The following PCDHA12 variants were observed in gnomAD, a reference collection of about 807,000 sequenced individuals.
PCDHA12 encodes the protein protocadherin alpha-12.
Under a neutral mutation model 60.0 loss-of-function variants are expected in PCDHA12, and 44 were observed. The ratio of observed to expected loss-of-function variants is 0.73; its 90% CI spans 0.58 to 0.94. PCDHA12 has a LOEUF of 0.94. Ranked by LOEUF, PCDHA12 falls within the 40% of genes least tolerant of loss-of-function variation. The pLI, the probability that PCDHA12 is intolerant of heterozygous loss-of-function variation, is 0.00. For synonymous variants in PCDHA12, 569 were observed against 553.0 expected (o/e 1.03, Z -0.40); for missense variants, 1,276 against 1,239.7 (o/e 1.03, Z -0.44).
At chr5:140,958,218 A>C (rs1240262632) in intron 1 of PCDHA12, among the ~76,000 whole-genome samples, 2 of 152,120 alleles carry the variant, frequency 1.3e-5, no homozygotes, top group Admixed American at 1.3e-4. Flanking sequence ...TTAGATTTTA[A>C]AGGACTTTCA....
intron 1 of PCDHA12, chr5:140,883,468 C>A: frequency 6.2e-7 from 1 of 1,614,164 alleles, no homozygotes; most frequent in South Asian, 1.1e-5. Context: ...TGGTGTCCAC[C>A]TACAAGAACT....
intron 1 of PCDHA12, among the ~76,000 whole-genome samples, chr5:140,906,435 C>T (rs2072652869): frequency 6.6e-6 from 1 of 152,120 alleles, no homozygotes; most frequent in Non-Finnish European, 1.5e-5. Flanking sequence ...ACATGATAAA[C>T]AAGAAAGGAA....
chr5:141,010,938 A>G lies in PCDHA12; in HGVS notation c.*1001A>G, dbSNP rs1210392691. ...TCAAAAGAGAATTCAGTCTACAGCC[A>G]TTTAAATGATCATTGCTGCTACAGA... On this transcript the variant is annotated 3_prime_UTR_variant, in exon 4 of 4. Coordinates refer to ENST00000398631, the MANE Select transcript of PCDHA12 (RefSeq NM_018903.4). 6 of 153,824 alleles carry G rather than the reference A, an allele frequency of 3.9e-5. No homozygotes were observed. Among genetic ancestry groups the G allele is most frequent in the African/African-American group, 1.4e-4 (6 of 41,470 alleles). The allele number at this position is 153,824 out of a possible 1,614,324, so 9.5% of individuals were successfully genotyped here. A position where few individuals can be genotyped will look rare whatever the true frequency, so the allele number is the denominator to read the frequency against.
rs1446596900 is a variant in PCDHA12 at position 140,900,305 on chromosome 5, C to T, written c.2367+22466C>T. On this transcript the variant is annotated intron_variant, in intron 1 of 3. Transcript: ENST00000398631. ...TTTCTTTTCTGTTTTTTTAGACAGTCTCACTTTTGTCGCCCAGGCTGGAGT... is the reference window on the plus strand; with the variant it reads ...TTTCTTTTCTGTTTTTTTAGACAGTTTCACTTTTGTCGCCCAGGCTGGAGT... Among the ~76,000 whole-genome samples the T allele has an allele frequency of 1.3e-4, 20 of 151,754 alleles. No homozygotes were observed. In the East Asian group the frequency reaches 3.9e-3, roughly 30 times the overall value.
Position 141,009,873 on chromosome 5 carries a change from A to C in PCDHA12, c.2762A>C (p.Lys921Thr), listed in dbSNP as rs782413551. The C allele has an allele frequency of 1.2e-6, 2 of 1,613,916 alleles. No homozygotes were observed. The highest frequency in any genetic ancestry group is 2.7e-5 in the African/African-American group (2 of 74,862). The change falls in exon 4 of 4, where the codon AAG (lysine) becomes ACG (threonine). Residue 921 changes from lysine to threonine, a missense_variant. Lys to Thr is a moderately conservative substitution (Grantham distance 78). Transcript: ENST00000398631. ...ACCAAGAAAAAGAAGAAAAAGAAGA[A>C]GGGTAACAAGACCCAGGAGAAAAAA... ...EETKKKKKKK[K>T]GNKTQEKKEK...
intron 1 of PCDHA12, among the ~76,000 whole-genome samples, chr5:140,921,352 T>C (rs889434892): frequency 6.6e-6 from 1 of 152,190 alleles, no homozygotes; most frequent in Non-Finnish European, 1.5e-5. Context: ...TATATTTGCC[T>C]ATATTCAAGT....
At chr5:140,921,981 A>G (rs2080540156) in intron 1 of PCDHA12, among the ~76,000 whole-genome samples, 1 of 152,092 alleles carries the variant, frequency 6.6e-6, no homozygotes, top group Non-Finnish European at 1.5e-5. Flanking sequence ...AAATAGAACT[A>G]AAAAAGAGTT....
chr5:140,972,350 A>G (rs897251940), intron 1 of PCDHA12, among the ~76,000 whole-genome samples: 3 of 150,008 alleles, frequency 2.0e-5, no homozygotes, highest in Admixed American at 1.3e-4. Flanking sequence ...GGGTCTCACT[A>G]TGTTGCACAT....
chr5:140,879,869 T>C lies in PCDHA12; in HGVS notation c.2367+2030T>C, dbSNP rs782705975. Among the ~76,000 whole-genome samples, 13 of 152,220 alleles carry C rather than the reference T, an allele frequency of 8.5e-5. 1 individual carries two copies. The highest frequency in any genetic ancestry group is 1.5e-4 in the Non-Finnish European group (10 of 68,042). ...CCCATCTCAGCCTTCTCAGCTTTCA[T>C]GGTCACATTGCCTCCTCCTCTCCAT... On this transcript the variant is annotated intron_variant, in intron 1 of 3. Coordinates refer to ENST00000398631, the MANE Select transcript of PCDHA12 (RefSeq NM_018903.4).
At chr5:140,925,084 A>AGGAAGGAAGGAAGGAAGGAAGGAG (rs1554202501) in intron 1 of PCDHA12, among the ~76,000 whole-genome samples, 2 of 144,612 alleles carry the variant, frequency 1.4e-5, no homozygotes, top group African/African-American at 5.6e-5. Context: ...TCATCTGGAA[A>AGGAAGGAAGGAAGGAAGGAAGGAG]GGAAGGAAGG....
At chr5:140,971,884 C>A (rs1216931622) in intron 1 of PCDHA12, among the ~76,000 whole-genome samples, 1 of 151,602 alleles carries the variant, frequency 6.6e-6, no homozygotes, top group Admixed American at 6.6e-5. Flanking sequence ...AGGAAATAAG[C>A]TCAGGGAGGT....
chr5:140,995,245 A>G (rs2097671494), intron 3 of PCDHA12, among the ~76,000 whole-genome samples: 1 of 152,194 alleles, frequency 6.6e-6, no homozygotes, highest in African/African-American at 2.4e-5. Flanking sequence ...ATTAAGTAAA[A>G]TAAGGGTACT....
chr5:140,925,641 TATAATAATA>T (rs10569930), intron 1 of PCDHA12, among the ~76,000 whole-genome samples: 3,728 of 143,338 alleles, frequency 0.026, 107 homozygotes, highest in African/African-American at 0.059. Context: ...GAACTTAAAG[TATAATAATA>T]ATAATAATAA....
chr5:140,934,995 T>G (rs1443676222), intron 1 of PCDHA12, among the ~76,000 whole-genome samples: 1 of 152,172 alleles, frequency 6.6e-6, no homozygotes, highest in East Asian at 1.9e-4. Context: ...ACACCCTGAA[T>G]CCTTTTCATG....
At chr5:140,992,152 A>G (rs1440263664) in intron 3 of PCDHA12, among the ~76,000 whole-genome samples, 2 of 152,004 alleles carry the variant, frequency 1.3e-5, no homozygotes, top group Non-Finnish European at 2.9e-5. Context: ...ACTTTGCTCA[A>G]TCAAGAAGTG....
intron 1 of PCDHA12, among the ~76,000 whole-genome samples, chr5:140,921,987 G>T (rs1414139435): frequency 6.6e-6 from 1 of 151,868 alleles, no homozygotes; most frequent in Non-Finnish European, 1.5e-5. Context: ...AACTAAAAAA[G>T]AGTTCAATGA....
intron 1 of PCDHA12, chr5:140,928,543 A>G: frequency 6.2e-7 from 1 of 1,614,204 alleles, no homozygotes; most frequent in Non-Finnish European, 8.5e-7. Context: ...TAGGAATGAC[A>G]ATTATCCGGT....
At chr5:140,967,669 G>C in intron 1 of PCDHA12, 9 of 1,614,126 alleles carry the variant, frequency 5.6e-6, no homozygotes, top group Non-Finnish European at 7.6e-6. Flanking sequence ...GCTACACGTC[G>C]GACCGGGAGA....
chr5:140,880,646 C>A (rs782457852), intron 1 of PCDHA12, among the ~76,000 whole-genome samples: 1 of 152,060 alleles, frequency 6.6e-6, no homozygotes, highest in Non-Finnish European at 1.5e-5. Context: ...ACTTGAGAGC[C>A]CAACTGAGGT....
Sources: allele counts gnomAD v4.1 joint callset (sites outside exome capture counted in the v4.1 genomes callset), GRCh38; gene constraint gnomAD v4.1.1; transcripts MANE v1.5; gene names NCBI Gene and HGNC (gene_info 2026-07-23, HGNC 2026-07-21).